Variants in RNF146 observed in about 807,000 individuals in gnomAD.
The protein encoded by RNF146 is ring finger protein 146, also known as E3 ubiquitin-protein ligase RNF146.
Under a neutral mutation model 29.7 loss-of-function variants are expected in RNF146, and 11 were observed. That is an observed-to-expected ratio of 0.37 (90% CI 0.23 to 0.61). The LOEUF is 0.61. Among genes scored for constraint, RNF146 ranks in the 20% least tolerant of loss-of-function variants. The pLI, the probability that RNF146 is intolerant of heterozygous loss-of-function variation, is 0.66. For synonymous variants in RNF146, 150 were observed against 159.7 expected, an observed-to-expected ratio of 0.94 and a Z score of 0.46; for missense variants, 342 against 438.9, an observed-to-expected ratio of 0.78 and a Z score of 1.97.
chr6:127,269,040 A>G (rs1021589685), intron 1 of RNF146, among the ~76,000 whole-genome samples: 8 of 152,226 alleles, frequency 5.3e-5, no homozygotes, highest in African/African-American at 1.4e-4. Flanking sequence ...CGTGTTAGTA[A>G]TAGAAGGTAC....
Position 127,280,284 on chromosome 6 carries a change from T to C in RNF146, c.-55T>C. ...AAAATACTGTAAGCTGGCTGACTGC[T>C]GGTGAAGAAAATGCTTTATTTTTGT... On this transcript the variant is annotated 5_prime_UTR_variant, in exon 2 of 3. Coordinates refer to ENST00000368314, the MANE Select transcript of RNF146 (RefSeq NM_001242850.2). 4 of 1,539,392 alleles carry C rather than the reference T, an allele frequency of 2.6e-6. No individual in the cohort carries two copies. Among genetic ancestry groups the C allele is most frequent in the Non-Finnish European group, 3.5e-6 (4 of 1,137,726 alleles).
Position 127,286,742 on chromosome 6 carries a change from A to G in RNF146, c.129A>G (p.Thr43=). The change falls in exon 3 of 3, where the codon ACA becomes ACG. Residue 43 remains threonine, a synonymous_variant. Coordinates refer to ENST00000368314, the MANE Select transcript of RNF146 (RefSeq NM_001242850.2). This position sits in a 1 kb window ranked among gnomAD's most constrained non-coding sequence, Gnocchi z 4.6. The part of the protein sequence containing the change: ...TVPECAICLQ[T]CVHPVSLPCK... ...CTGAATGTGCCATTTGTCTGCAAAC[A>G]TGTGTTCATCCAGTCAGTCTGCCCT... 6.2e-7 allele frequency: 1 copy of G among 1,613,350 alleles called. No individual in the cohort carries two copies. The highest frequency in any genetic ancestry group is 8.5e-7 in the Non-Finnish European group (1 of 1,179,544).
intron 2 of RNF146, chr6:127,280,639 T>G: frequency 1.1e-6 from 1 of 920,366 alleles, no homozygotes; most frequent in Non-Finnish European, 1.3e-6. Context: ...TACATAATAA[T>G]TTTCTTAAAT....
At chr6:127,272,376 T>A (rs933296336) in intron 1 of RNF146, among the ~76,000 whole-genome samples, 3 of 152,204 alleles carry the variant, frequency 2.0e-5, no homozygotes, top group African/African-American at 7.2e-5. Flanking sequence ...ATAGCTAGGA[T>A]CTAGAGCATT....
At chr6:127,278,647 G>A (rs1017936714) in intron 1 of RNF146, among the ~76,000 whole-genome samples, 1 of 152,032 alleles carries the variant, frequency 6.6e-6, no homozygotes, top group African/African-American at 2.4e-5. Context: ...TGGCATACAA[G>A]TGTCTGAGAA....
chr6:127,287,106 A>G lies in RNF146; in HGVS notation c.493A>G (p.Lys165Glu), dbSNP rs1405545969. 1 of 1,613,246 alleles carries G rather than the reference A, an allele frequency of 6.2e-7. No homozygotes were observed. Among genetic ancestry groups the G allele is most frequent in the Non-Finnish European group, 8.5e-7 (1 of 1,179,626 alleles). ...YRRNEHGRRR[K>E]IKRDIIDIPK... The stretch of plus-strand genomic sequence containing the variant: ...GAGAAATGAACATGGACGTCGCAGG[A>G]AGATTAAGCGAGATATAATAGATAT... The change falls in exon 3 of 3, where the codon AAG becomes GAG. Residue 165 changes from lysine to glutamate, a missense_variant. Lys to Glu is a moderately conservative substitution (Grantham distance 56). This residue lies in a region of RNF146 where 28 missense variants were observed against 40.7 expected (regional missense o/e 0.69). Transcript: ENST00000368314.
At chr6:127,284,163 A>G (rs565509925) in intron 2 of RNF146, among the ~76,000 whole-genome samples, 7 of 151,868 alleles carry the variant, frequency 4.6e-5, no homozygotes, top group Admixed American at 2.6e-4. Context: ...AGCAAATACA[A>G]TAGGTTTGGA....
At chr6:127,269,799 A>AT (rs1377207906) in intron 1 of RNF146, among the ~76,000 whole-genome samples, 1 of 151,924 alleles carries the variant, frequency 6.6e-6, no homozygotes, top group African/African-American at 2.4e-5. Flanking sequence ...TGTATATATA[A>AT]TTTTTTTTGA....
chr6:127,269,294 A>C (rs1479256782), intron 1 of RNF146, among the ~76,000 whole-genome samples: 2 of 152,226 alleles, frequency 1.3e-5, no homozygotes, highest in Non-Finnish European at 2.9e-5. Context: ...GAGTAGGATG[A>C]GATAACAAAA....
chr6:127,267,318 C>T (rs1460931336), intron 1 of RNF146, among the ~76,000 whole-genome samples: 1 of 152,192 alleles, frequency 6.6e-6, no homozygotes, highest in Non-Finnish European at 1.5e-5. Context: ...GCCATTACTG[C>T]GCAGCCTCTT....
intron 2 of RNF146, among the ~76,000 whole-genome samples, chr6:127,284,010 A>G (rs1779217863): frequency 6.6e-6 from 1 of 151,832 alleles, no homozygotes; most frequent in East Asian, 1.9e-4. Context: ...GTTTATTCAT[A>G]AATGCAAGAG....
At position 127,288,025 on chromosome 6, in the gene RNF146, C is replaced by A; in HGVS notation, c.*332C>A. ...ATTAATGGTCCTCATCTGACTCCTG[C>A]ATTGTGTCTTATTTTTCTGCATGGA... On this transcript the variant is annotated 3_prime_UTR_variant, in exon 3 of 3. Transcript: ENST00000368314. 1 of 185,520 alleles carries A rather than the reference C, an allele frequency of 5.4e-6. No individual in the cohort carries two copies. The allele number at this position is 185,520 out of a possible 1,614,324, so 11.5% of individuals were successfully genotyped here. A position where few individuals can be genotyped will look rare whatever the true frequency, so the allele number is the denominator to read the frequency against.
chr6:127,286,945 G>A lies in RNF146; in HGVS notation c.332G>A (p.Arg111Lys). Residue 111 changes from arginine to lysine, a missense_variant, in exon 3 of 3, where the codon AGA becomes AAA. Around this residue, in one of 6 missense-constraint regions of RNF146, gnomAD observed 50 missense variants for 54.9 expected, o/e 0.91. Coordinates refer to ENST00000368314, the MANE Select transcript of RNF146 (RefSeq NM_001242850.2). This position sits in a 1 kb window ranked among gnomAD's most constrained non-coding sequence, Gnocchi z 4.6. ...GAATATGCATGGTATTATGAAGGAA[G>A]AAATGGGTGGTGGCAGTACGATGAG... ...NGEYAWYYEG[R>K]NGWWQYDERT... 6.2e-7 allele frequency: 1 copy of A among 1,613,462 alleles called. No homozygotes were observed. The highest frequency in any genetic ancestry group is 8.5e-7 in the Non-Finnish European group (1 of 1,179,612).
Position 127,287,309 on chromosome 6 carries a change from T to A in RNF146, c.696T>A (p.Pro232=). 1 of 1,613,470 alleles carries A rather than the reference T, an allele frequency of 6.2e-7. No individual in the cohort carries two copies. The highest frequency in any genetic ancestry group is 1.3e-5 in the African/African-American group (1 of 74,966). The change falls in exon 3 of 3, where the codon CCT becomes CCA. Residue 232 remains proline, a synonymous_variant. Coordinates refer to ENST00000368314, the MANE Select transcript of RNF146 (RefSeq NM_001242850.2). The stretch of plus-strand genomic sequence containing the variant: ...CAGTAGATGGTCAGTTAACAAGCCC[T>A]GCAACACCATCCCCTGATGCAAGCA... ...LTSVDGQLTS[P]ATPSPDASTS... is the part of the protein sequence containing the mutation.
At chr6:127,284,598 A>G (rs1002486001) in intron 2 of RNF146, among the ~76,000 whole-genome samples, 1 of 151,938 alleles carries the variant, frequency 6.6e-6, no homozygotes, top group Non-Finnish European at 1.5e-5. Flanking sequence ...TGCACAGCCA[A>G]TTCTTTTAGG....
intron 1 of RNF146, among the ~76,000 whole-genome samples, chr6:127,272,609 A>G (rs1233795437): frequency 6.6e-6 from 1 of 152,212 alleles, no homozygotes; most frequent in Non-Finnish European, 1.5e-5. Flanking sequence ...TGGTTGCATA[A>G]GATGGCTAAA....
chr6:127,267,276 G>A (rs1411511978), intron 1 of RNF146, among the ~76,000 whole-genome samples: 2 of 152,054 alleles, frequency 1.3e-5, no homozygotes, highest in Non-Finnish European at 2.9e-5. Flanking sequence ...GCCGGAGCTG[G>A]TCTCGGTCCG....
intron 2 of RNF146, among the ~76,000 whole-genome samples, chr6:127,284,564 T>TCAAACACA (rs1779281107): frequency 6.6e-6 from 1 of 151,814 alleles, no homozygotes; most frequent in South Asian, 2.1e-4. Context: ...GGGATGAAAG[T>TCAAACACA]TTCTGAAAAC....
chr6:127,287,345 A>C lies in RNF146; in HGVS notation c.732A>C (p.Glu244Asp). ...TPSPDASTSLEDSFAHLQLSG... is the reference protein window; with the variant it reads ...TPSPDASTSLDDSFAHLQLSG... ...CCCCTGATGCAAGCACTTCTCTGGAAGACTCTTTTGCTCATTTACAACTCA... is the reference window on the plus strand; with the variant it reads ...CCCCTGATGCAAGCACTTCTCTGGACGACTCTTTTGCTCATTTACAACTCA... The change falls in exon 3 of 3, where the codon GAA (glutamate) becomes GAC (aspartate). Residue 244 changes from glutamate (E) to aspartate (D), a missense_variant. Coordinates refer to ENST00000368314, the MANE Select transcript of RNF146 (RefSeq NM_001242850.2). 1 of 1,613,476 alleles carries C rather than the reference A, an allele frequency of 6.2e-7. No individual in the cohort carries two copies. The highest frequency in any genetic ancestry group is 1.7e-4 in the Middle Eastern group (1 of 6,054).
Sources: allele counts gnomAD v4.1 joint callset (sites outside exome capture counted in the v4.1 genomes callset), GRCh38; gene constraint gnomAD v4.1.1; regional missense constraint gnomAD v4.1.1; non-coding constraint Gnocchi (gnomAD v3.1); transcripts MANE v1.5; gene names NCBI Gene and HGNC (gene_info 2026-07-23, HGNC 2026-07-21).